The following FCHO1 variants were observed in gnomAD, a reference collection of about 807,000 sequenced individuals.
FCHO1 encodes the protein FCH and mu domain containing endocytic adaptor 1.
A neutral mutation model predicts 114.4 loss-of-function variants in FCHO1; 45 were observed. The ratio of observed to expected loss-of-function variants is 0.39; its 90% CI spans 0.31 to 0.50. FCHO1 has a LOEUF of 0.50. Ranked by LOEUF, FCHO1 falls within the 20% of genes least tolerant of loss-of-function variation. FCHO1 has a pLI of 0.77. For synonymous variants in FCHO1, 480 were observed against 488.9 expected, an observed-to-expected ratio of 0.98 and a Z score of 0.24; for missense variants, 1,042 against 1,209.6, an observed-to-expected ratio of 0.86 and a Z score of 2.06.
Position 17,770,789 on chromosome 19 carries a change from T to G in FCHO1, c.490-3T>G. 5 of 1,614,014 alleles carry G rather than the reference T, an allele frequency of 3.1e-6. No individual in the cohort carries two copies. The highest frequency in any genetic ancestry group is 4.2e-6 in the Non-Finnish European group (5 of 1,180,012). ...ATCCCCGTTTCCTCCCTGTGCTTTG[T>G]AGGCGGAGACTAAAACCAAGAAGGC... On this transcript the variant is annotated splice_region_variant and splice_polypyrimidine_tract_variant and intron_variant, in intron 8 of 28. Coordinates refer to ENST00000596536, the MANE Select transcript of FCHO1 (RefSeq NM_015122.3).
chr19:17,760,514 G>T (rs2085702942), intron 4 of FCHO1, among the ~76,000 whole-genome samples: 1 of 152,154 alleles, frequency 6.6e-6, no homozygotes, highest in South Asian at 2.1e-4. Flanking sequence ...AGAAAAAGTT[G>T]CCCTTTAACA....
rs534109677 is a variant in FCHO1 at position 17,781,804 on chromosome 19, C to T, written c.1921C>T (p.Arg641Cys). The T allele has an allele frequency of 3.4e-5, 54 of 1,601,554 alleles. No homozygotes were observed. The highest frequency in any genetic ancestry group is 4.5e-5 in the Non-Finnish European group (53 of 1,174,302). The change falls in exon 23 of 29, where the codon CGT (arginine) becomes TGT (cysteine). Residue 641 changes from arginine to cysteine, a missense_variant. Arg to Cys is a radical substitution (Grantham distance 180). Transcript: ENST00000596536. ...AFTEYVHAYFRGHSPSCLARV... is the reference protein window; with the variant it reads ...AFTEYVHAYFCGHSPSCLARV... ...CACAGAGTATGTCCACGCCTACTTC[C>T]GTGGCCACAGCCCCAGGTACCCAGT...
At chr19:17,788,223 C>T (rs562457113) in intron 28 of FCHO1, 61 bp from the exon 29 acceptor site, 38 of 1,156,240 alleles carry the variant, frequency 3.3e-5, no homozygotes, top group East Asian at 1.5e-4. Flanking sequence ...GGGTCAGAGC[C>T]GGGGAACCCC....
chr19:17,768,078 G>GT (rs1032334186), intron 7 of FCHO1, among the ~76,000 whole-genome samples: 12 of 151,956 alleles, frequency 7.9e-5, no homozygotes, highest in Non-Finnish European at 1.6e-4. Context: ...GTTTTGTTTT[G>GT]TTTTTTTGAG....
chr19:17,755,473 G>C (rs1196982408), intron 4 of FCHO1: 1 of 315,880 alleles, frequency 3.2e-6, no homozygotes, highest in Non-Finnish European at 5.9e-6. Context: ...AAAAAGTGCA[G>C]AGTCAGTGCT....
At position 17,784,275 on chromosome 19, in the gene FCHO1, G is replaced by C. The variant is rs766559459; in HGVS notation, c.2226+40G>C. 6 of 1,559,984 alleles carry C rather than the reference G, an allele frequency of 3.8e-6. No homozygotes were observed. The highest frequency in any genetic ancestry group is 5.2e-6 in the Non-Finnish European group (6 of 1,151,862). On this transcript the variant is annotated intron_variant, in intron 25 of 28. Transcript: ENST00000596536. The surrounding 1 kb of genome is among the most constrained non-coding windows in gnomAD (Gnocchi z 5.3). ...TGGGGCCGGGAGGAGGTGGTGGAGT[G>C]GGGGACACGGTGAGCCGGCAGCAGA... is the stretch of plus-strand genomic sequence containing the variant.
intron 5 of FCHO1, among the ~76,000 whole-genome samples, chr19:17,763,125 C>T (rs2087046261): frequency 6.6e-6 from 1 of 151,850 alleles, no homozygotes; most frequent in Non-Finnish European, 1.5e-5. Context: ...GAGACAAGAT[C>T]TTGCTTTGTT....
chr19:17,781,383 C>G (rs1568367885), intron 21 of FCHO1, 40 bp downstream of exon 21: 3 of 1,609,080 alleles, frequency 1.9e-6, no homozygotes, highest in Non-Finnish European at 2.6e-6. Flanking sequence ...CTGGGGGTCG[C>G]GTCTGGGGTC....
intron 4 of FCHO1, among the ~76,000 whole-genome samples, chr19:17,759,629 C>T (rs552974328): frequency 1.3e-4 from 19 of 151,872 alleles, no homozygotes; most frequent in Non-Finnish European, 2.5e-4. Context: ...TGGAGAGAAG[C>T]GGGATCAGAA....
intron 9 of FCHO1, 89 bp from the exon 10 acceptor site, chr19:17,772,368 A>G: frequency 1.1e-6 from 1 of 936,276 alleles, no homozygotes; most frequent in Non-Finnish European, 1.8e-6. Flanking sequence ...CCAAGGGCTT[A>G]GGGTATTCTG....
At position 17,755,154 on chromosome 19, in the gene FCHO1, A is replaced by T. The variant is rs757270143; in HGVS notation, c.-11A>T. On this transcript the variant is annotated 5_prime_UTR_variant, in exon 4 of 29. Transcript: ENST00000596536. Reference sequence around the variant, plus strand: ...ACGGGGCCTGCAGGGGTCTCCACAGAGACCATCAGGATGTCGTATTTTGGG... The same window carrying T: ...ACGGGGCCTGCAGGGGTCTCCACAGTGACCATCAGGATGTCGTATTTTGGG... 1 of 1,612,912 alleles carries T rather than the reference A, an allele frequency of 6.2e-7. No individual in the cohort carries two copies. The highest frequency in any genetic ancestry group is 1.1e-5 in the South Asian group (1 of 90,964).
chr19:17,784,068 C>G lies in FCHO1; in HGVS notation c.2094-35C>G, dbSNP rs751378912. 1 of 1,594,098 alleles carries G rather than the reference C, an allele frequency of 6.3e-7. No homozygotes were observed. ...GCTGGGAGCCCTGGGAGGGCATGTCCCGAGGATTGGGGTGATCAGTCCGGG... is the reference window on the plus strand; with the variant it reads ...GCTGGGAGCCCTGGGAGGGCATGTCGCGAGGATTGGGGTGATCAGTCCGGG... On this transcript the variant is annotated intron_variant, in intron 24 of 28. Transcript: ENST00000596536. This position sits in a 1 kb window ranked among gnomAD's most constrained non-coding sequence, Gnocchi z 5.3.
chr19:17,766,591 A>G (rs772763705), intron 6 of FCHO1, 78 bp from the exon 7 acceptor site: 5 of 1,573,648 alleles, frequency 3.2e-6, no homozygotes, highest in Admixed American at 1.7e-5. Context: ...CGTGCAGCAC[A>G]TACCTGAGCC....
chr19:17,778,723 C>T lies in FCHO1; in HGVS notation c.1466C>T (p.Pro489Leu), dbSNP rs369672866. The T allele has an allele frequency of 7.8e-6, 12 of 1,543,780 alleles. No homozygotes were observed. Among genetic ancestry groups the T allele is most frequent in the African/African-American group, 1.4e-5 (1 of 73,174 alleles). Reference protein sequence around the residue: ...SPSHAAPGPSPDSWVPRPGTP... With the variant: ...SPSHAAPGPSLDSWVPRPGTP... ...TCCCACGCGGCACCTGGCCCCTCCC[C>T]AGATTCCTGGGTCCCCCGCCCAGGC... The change falls in exon 20 of 29, where the codon CCA becomes CTA. Residue 489 changes from proline to leucine, a missense_variant. Physicochemically the swap from Pro to Leu is moderately conservative, Grantham distance 98 (BLOSUM62 -3). Coordinates refer to ENST00000596536, the MANE Select transcript of FCHO1 (RefSeq NM_015122.3).
chr19:17,759,276 G>A (rs553327042), intron 4 of FCHO1, among the ~76,000 whole-genome samples: 3 of 137,842 alleles, frequency 2.2e-5, no homozygotes, highest in African/African-American at 8.2e-5. Flanking sequence ...AGGCTGGAGT[G>A]CAGTGGCGGG....
At chr19:17,761,048 C>A (rs1224271230) in intron 4 of FCHO1, among the ~76,000 whole-genome samples, 1 of 152,154 alleles carries the variant, frequency 6.6e-6, no homozygotes, top group Non-Finnish European at 1.5e-5. Context: ...CCATGACAAC[C>A]CCAGAAATTG....
At chr19:17,757,641 C>T (rs983837140) in intron 4 of FCHO1, among the ~76,000 whole-genome samples, 19 of 152,226 alleles carry the variant, frequency 1.2e-4, no homozygotes, top group South Asian at 1.0e-3. Flanking sequence ...ATAGGTGGAG[C>T]GTGGTAGCTC....
chr19:17,769,574 G>A (rs1400855646), intron 7 of FCHO1, among the ~76,000 whole-genome samples: 2 of 142,466 alleles, frequency 1.4e-5, no homozygotes, highest in East Asian at 2.1e-4. Flanking sequence ...GCGAGACTTC[G>A]TCTCAAACAC....
At chr19:17,785,018 G>A (rs2093746867) in intron 26 of FCHO1, 94 bp downstream of exon 26, 2 of 1,286,992 alleles carry the variant, frequency 1.6e-6, no homozygotes, top group South Asian at 2.5e-5. Flanking sequence ...TGCACCCTCG[G>A]CCTGACCGTT....
Sources: allele counts gnomAD v4.1 joint callset (sites outside exome capture counted in the v4.1 genomes callset), GRCh38; gene constraint gnomAD v4.1.1; non-coding constraint Gnocchi (gnomAD v3.1); transcripts MANE v1.5; gene names NCBI Gene and HGNC (gene_info 2026-07-23, HGNC 2026-07-21).